VPS26C: variants seen among roughly 807,000 people sequenced by gnomAD.
VPS26C encodes the protein vacuolar protein sorting-associated protein 26C.
A neutral mutation model predicts 30.6 loss-of-function variants in VPS26C; 19 were observed. That is an observed-to-expected ratio of 0.62 (90% CI 0.43 to 0.91). VPS26C has a LOEUF of 0.91. Among genes scored for constraint, VPS26C ranks in the 40% least tolerant of loss-of-function variants. VPS26C has a pLI of 0.00. For synonymous variants in VPS26C, 132 were observed against 151.5 expected (o/e 0.87, Z 0.95); for missense variants, 318 against 385.1 (o/e 0.83, Z 1.46).
chr21:37,227,540 G>T, intron 7 of VPS26C, 114 bp downstream of exon 7: 1 of 1,229,612 alleles, frequency 8.1e-7, no homozygotes, highest in South Asian at 1.4e-5. Flanking sequence ...GGCAGGCCCT[G>T]GCACTGAGGG....
upstream of VPS26C, chr21:37,267,362 C>A: frequency 1.4e-6 from 2 of 1,436,176 alleles, no homozygotes; most frequent in African/African-American, 1.4e-5. Flanking sequence ...GGGCGCCTCC[C>A]CGCTTCGTTC....
At chr21:37,237,949 C>G (rs2086042039) in intron 3 of VPS26C, among the ~76,000 whole-genome samples, 1 of 152,208 alleles carries the variant, frequency 6.6e-6, no homozygotes, top group South Asian at 2.1e-4. Context: ...TCCACTGCTC[C>G]TGAGACAACA....
Position 37,257,976 on chromosome 21 carries a change from C to T in VPS26C, c.57+9262G>A, listed in dbSNP as rs527255521. ...GCCCACCAGCCTGCGCTGCGCTGCA[C>T]ATGGTACCCGCGGCCCCAGCTGGCC... On this transcript the variant is annotated intron_variant, in intron 1 of 7. Coordinates refer to ENST00000309117, the MANE Select transcript of VPS26C (RefSeq NM_006052.2). The surrounding 1 kb of genome is among the most constrained non-coding windows in gnomAD (Gnocchi z 4.2). Among the ~76,000 whole-genome samples the T allele has an allele frequency of 1.3e-5, 2 of 148,492 alleles. No individual in the cohort carries two copies. The highest frequency in any genetic ancestry group is 2.1e-4 in the South Asian group (1 of 4,826).
intron 5 of VPS26C, chr21:37,229,099 T>G (rs1263552702): frequency 6.6e-6 from 1 of 152,148 alleles, no homozygotes; most frequent in South Asian, 2.1e-4. Context: ...TCATGGAAAT[T>G]TGAAGAAAAC....
intron 1 of VPS26C, among the ~76,000 whole-genome samples, chr21:37,241,814 C>T (rs1312056471): frequency 6.6e-6 from 1 of 151,958 alleles, no homozygotes; most frequent in African/African-American, 2.4e-5. Context: ...AGAGCAAAAC[C>T]CTATCTCAAA....
At chr21:37,248,141 T>C (rs1237442699) in intron 1 of VPS26C, among the ~76,000 whole-genome samples, 2 of 152,142 alleles carry the variant, frequency 1.3e-5, no homozygotes, top group Admixed American at 1.3e-4. Context: ...AATTTACAGA[T>C]CATGACCAAT....
intron 5 of VPS26C, chr21:37,229,299 TAAAAAA>T (rs202224985): frequency 1.3e-5 from 2 of 151,420 alleles, no homozygotes; most frequent in African/African-American, 4.9e-5. Flanking sequence ...GCTGATGAGC[TAAAAAA>T]AAATCACAGA....
At chr21:37,227,621 G>A (rs774605631) in intron 7 of VPS26C, 33 bp downstream of exon 7, 6 of 1,471,400 alleles carry the variant, frequency 4.1e-6, no homozygotes, top group Middle Eastern at 1.8e-4. Context: ...CTTCCCATGG[G>A]CCCATGAGGG....
intron 1 of VPS26C, chr21:37,261,426 T>C (rs2148310852): frequency 6.6e-6 from 1 of 152,314 alleles, no homozygotes; most frequent in Admixed American, 6.5e-5. Context: ...CCTTAGTCCA[T>C]TTTGATTGTC....
At chr21:37,266,972 C>T in intron 1 of VPS26C, 1 of 532,986 alleles carries the variant, frequency 1.9e-6, no homozygotes. Context: ...AAGAGCGCAG[C>T]CCCGGAGCTG....
rs2085900895 is a variant in VPS26C at position 37,226,484 on chromosome 21, T to G, written c.812-858A>C. On this transcript the variant is annotated intron_variant, in intron 7 of 7. Transcript: ENST00000309117. The surrounding 1 kb of genome is among the most constrained non-coding windows in gnomAD (Gnocchi z 4.1). ...CCTTCCTCACTTTATTGTCACTACA[T>G]TAGAGTCCTCTGGGCACTTCCTGCC... 6.6e-6 allele frequency: 1 copy of G among 152,246 alleles called. No individual in the cohort carries two copies. Among genetic ancestry groups the G allele is most frequent in the Admixed American group, 6.5e-5 (1 of 15,284 alleles). 9.4% of individuals were successfully genotyped at this position (152,246 alleles called of 1,614,324 possible). A position where few individuals can be genotyped will look rare whatever the true frequency, so the allele number is the denominator to read the frequency against.
At chr21:37,230,463 T>C (rs970026202) in intron 5 of VPS26C, 14 of 152,274 alleles carry the variant, frequency 9.2e-5, no homozygotes, top group Non-Finnish European at 1.8e-4. Flanking sequence ...TACAAGATTT[T>C]CTACAATACA....
chr21:37,266,911 A>G (rs1197297725), intron 1 of VPS26C: 27 of 423,336 alleles, frequency 6.4e-5, no homozygotes, highest in Non-Finnish European at 5.1e-5. Flanking sequence ...TCACTGAGGG[A>G]GCTCAAGCCT....
chr21:37,260,627 C>T (rs992612877), intron 1 of VPS26C, among the ~76,000 whole-genome samples: 2 of 152,192 alleles, frequency 1.3e-5, no homozygotes, highest in Non-Finnish European at 2.9e-5. Flanking sequence ...TCTATATTCA[C>T]GCTGAGCCAC....
chr21:37,247,653 C>T (rs1338702093), intron 1 of VPS26C, among the ~76,000 whole-genome samples: 2 of 152,090 alleles, frequency 1.3e-5, no homozygotes, highest in African/African-American at 4.8e-5. Context: ...CAAAAACAGA[C>T]ATGAATATTC....
chr21:37,257,131 C>CA lies in VPS26C; in HGVS notation c.57+10106dup, dbSNP rs2086251625. On this transcript the variant is annotated intron_variant, in intron 1 of 7. Coordinates refer to ENST00000309117, the MANE Select transcript of VPS26C (RefSeq NM_006052.2). The surrounding 1 kb of genome is among the most constrained non-coding windows in gnomAD (Gnocchi z 4.2). ...TGGGTGACAGAGTGAGGCTCTGTCT[C>CA]AAAAAAACAAAACACAAAAAAACAA... Among the ~76,000 whole-genome samples, 1 of 150,880 alleles carries CA rather than the reference C, an allele frequency of 6.6e-6. No homozygotes were observed. Among genetic ancestry groups the CA allele is most frequent in the African/African-American group, 2.4e-5 (1 of 40,936 alleles).
chr21:37,227,217 C>G (rs144224344), intron 7 of VPS26C: 1,609 of 159,614 alleles, frequency 0.01, 18 homozygotes, highest in East Asian at 0.03. Flanking sequence ...CACCACCCCC[C>G]ACTCCTGTGG....
intron 1 of VPS26C, among the ~76,000 whole-genome samples, chr21:37,265,000 G>A (rs1222108034): frequency 2.0e-5 from 3 of 152,158 alleles, no homozygotes; most frequent in African/African-American, 7.2e-5. Flanking sequence ...CATGAACACT[G>A]AACATTACTC....
Position 37,233,153 on chromosome 21 carries a change from C to T in VPS26C, c.432+209G>A, listed in dbSNP as rs1730812011. The T allele has an allele frequency of 3.8e-6, 2 of 529,084 alleles. No homozygotes were observed. The highest frequency in any genetic ancestry group is 3.0e-5 in the Admixed American group (1 of 33,048). The allele number at this position is 529,084 out of a possible 1,614,324, so 32.8% of individuals were successfully genotyped here. A position where few individuals can be genotyped will look rare whatever the true frequency, so the allele number is the denominator to read the frequency against. Reference sequence around the variant, plus strand: ...GCCGACGTGGAGTCCCTCTGGCCCGCGGCCTCAGCTGGGGGACTCTGGGCC... The same window carrying T: ...GCCGACGTGGAGTCCCTCTGGCCCGTGGCCTCAGCTGGGGGACTCTGGGCC... On this transcript the variant is annotated intron_variant, in intron 4 of 7. Transcript: ENST00000309117. This position sits in a 1 kb window ranked among gnomAD's most constrained non-coding sequence, Gnocchi z 5.2.
Sources: gnomAD v4.1 joint callset for allele counts (sites outside exome capture counted in the v4.1 genomes callset) on GRCh38, gnomAD v4.1.1 for gene constraint, Gnocchi (gnomAD v3.1) non-coding constraint, MANE v1.5 for transcripts, NCBI Gene and HGNC (gene_info 2026-07-23, HGNC 2026-07-21) for gene names.